FXYD2: variants seen among roughly 807,000 people sequenced by gnomAD.
The protein encoded by FXYD2 is sodium/potassium-transporting ATPase subunit gamma.
FXYD2 carries 8 observed loss-of-function variants against 11.8 expected under a neutral mutation model. That is an observed-to-expected ratio of 0.68 (90% CI 0.40 to 1.22). FXYD2 has a LOEUF of 1.22. Ranked by LOEUF, FXYD2 falls within the 50% of genes most tolerant of loss-of-function variation. The pLI is 0.01. For missense variants in FXYD2, 92 were observed against 91.8 expected, an observed-to-expected ratio of 1.00 and a Z score of -0.01; for synonymous variants, 42 against 33.3, an observed-to-expected ratio of 1.26 and a Z score of -0.90.
chr11:117,821,297 G>A, intron 3 of FXYD2: 1 of 946,982 alleles, frequency 1.1e-6, no homozygotes, highest in East Asian at 1.1e-4. Context: ...CTGGTCTCAA[G>A]AGATCCTCCT....
chr11:117,827,911 C>A, upstream of FXYD2: 1 of 922,408 alleles, frequency 1.1e-6, no homozygotes. Flanking sequence ...TTCTGGGGAG[C>A]TTGTGGGTGC....
upstream of FXYD2, chr11:117,824,884 G>T: frequency 1.5e-6 from 1 of 681,506 alleles, no homozygotes; most frequent in South Asian, 1.7e-5. The surrounding 1 kb of genome is among the most constrained non-coding windows in gnomAD (Gnocchi z 4.0). Context: ...TGCGTGGGGA[G>T]GCAGGGGCAG....
At chr11:117,827,115 G>A (rs1468958356), upstream of FXYD2, among the ~76,000 whole-genome samples, 1 of 134,742 alleles carries the variant, frequency 7.4e-6, no homozygotes, top group East Asian at 2.5e-4. Context: ...TAGATAGATA[G>A]ATAGATAGAT....
At position 117,822,475 on chromosome 11, in the gene FXYD2, CAT is replaced by C. The variant is rs769829514; in HGVS notation, c.68_69del (p.Tyr23Ter). On this transcript the variant is annotated frameshift_variant, in exon 3 of 6. Coordinates refer to ENST00000292079, the MANE Select transcript of FXYD2 (RefSeq NM_001680.5). LOFTEE classifies it high-confidence loss of function. The surrounding 1 kb of genome is among the most constrained non-coding windows in gnomAD (Gnocchi z 4.7). Reference sequence around the variant, plus strand: ...ATCAGGCCCCCATTGCGAACGGTCTCATAGTCTCCGGAAAGAGAGGGCAAGAG... The same window carrying C: ...ATCAGGCCCCCATTGCGAACGGTCTCAGTCTCCGGAAAGAGAGGGCAAGAG... ...KGDVDPFYYD[Y>X]ETVRNGGLIF... is the part of the protein sequence containing the mutation. 19 of 1,560,828 alleles carry C rather than the reference CAT, an allele frequency of 1.2e-5. No homozygotes were observed. Among genetic ancestry groups the C allele is most frequent in the Non-Finnish European group, 1.6e-5 (19 of 1,151,660 alleles).
Position 117,821,656 on chromosome 11 carries a change from G to C in FXYD2, c.139+750C>G, listed in dbSNP as rs1225515316. 4.1e-6 allele frequency: 4 copies of C among 977,540 alleles called. No individual in the cohort carries two copies. In the South Asian group the frequency reaches 1.4e-4, roughly 35 times the overall value. The allele number at this position is 977,540 out of a possible 1,614,324, so 60.6% of individuals were successfully genotyped here. A position where few individuals can be genotyped will look rare whatever the true frequency, so the allele number is the denominator to read the frequency against. ...CTGCCACGGGCAACATGTGAAAATG[G>C]GGAGACCTGCAGGACTGTGGCCCGA... On this transcript the variant is annotated intron_variant, in intron 3 of 5. Coordinates refer to ENST00000292079, the MANE Select transcript of FXYD2 (RefSeq NM_001680.5).
Position 117,822,357 on chromosome 11 carries a change from AG to A in FXYD2, c.139+48del. The A allele has an allele frequency of 6.4e-7, 1 of 1,550,678 alleles. No individual in the cohort carries two copies. Among genetic ancestry groups the A allele is most frequent in the Non-Finnish European group, 8.7e-7 (1 of 1,146,996 alleles). ...GCCAGCCTGCTCAGCGGCCTTGAGAAGAGAGGTGCCCTGGTCAGCACCCCTT... is the reference window on the plus strand; with the variant it reads ...GCCAGCCTGCTCAGCGGCCTTGAGAAAGAGGTGCCCTGGTCAGCACCCCTT... On this transcript the variant is annotated intron_variant, in intron 3 of 5. Transcript: ENST00000292079. This position sits in a 1 kb window ranked among gnomAD's most constrained non-coding sequence, Gnocchi z 4.7.
At chr11:117,820,763 G>A (rs1019585185) in intron 4 of FXYD2, 67 bp from the exon 5 acceptor site, 116 of 1,612,072 alleles carry the variant, frequency 7.2e-5, no homozygotes, top group Admixed American at 2.2e-4. Context: ...GATCTCTGAG[G>A]CTGGGGATCC....
chr11:117,821,502 C>G, intron 3 of FXYD2: 1 of 986,084 alleles, frequency 1.0e-6, no homozygotes, highest in East Asian at 1.1e-4. Flanking sequence ...CATCATGGTG[C>G]CCCCAGCACA....
chr11:117,823,526 C>A (rs997501467), intron 1 of FXYD2, among the ~76,000 whole-genome samples: 1 of 152,208 alleles, frequency 6.6e-6, no homozygotes. Flanking sequence ...GGAAGGAGCC[C>A]GTTAGAGGTA....
At chr11:117,820,809 C>G (rs1360303886) in intron 4 of FXYD2, 50 bp downstream of exon 4, 1 of 1,613,932 alleles carries the variant, frequency 6.2e-7, no homozygotes, top group East Asian at 2.2e-5. Context: ...CAGCCCGCCC[C>G]TCCTTCTCCA....
At chr11:117,820,582 C>A in intron 5 of FXYD2, 84 bp downstream of exon 5, 1 of 1,559,112 alleles carries the variant, frequency 6.4e-7, no homozygotes, top group East Asian at 2.2e-5. Context: ...TCTTATTTAC[C>A]GAGTCCAGGA....
rs1565301554 is a variant in FXYD2 at position 117,822,942 on chromosome 11, G to C, written c.26-225C>G. ...GACCAAATACCGAGTGTCCGAGGGG[G>C]ATCCGTGCTGTCTGGGGGGCCTCTG... On this transcript the variant is annotated intron_variant, in intron 1 of 5. Transcript: ENST00000292079. This position sits in a 1 kb window ranked among gnomAD's most constrained non-coding sequence, Gnocchi z 4.7. 6.6e-6 allele frequency among the ~76,000 whole-genome samples: 1 copy of C among 152,130 alleles called. No individual in the cohort carries two copies. Among genetic ancestry groups the C allele is most frequent in the Non-Finnish European group, 1.5e-5 (1 of 68,014 alleles).
In FXYD2 at chr11:117,820,306, G is replaced by T; in HGVS notation, c.*73C>A. On this transcript the variant is annotated 3_prime_UTR_variant, in exon 6 of 6. Coordinates refer to ENST00000292079, the MANE Select transcript of FXYD2 (RefSeq NM_001680.5). ...GTCTAAAGCCCAGGGAAGAAGGGGA[G>T]GCGCCAGAGGCAGGGCCATGCTTGG... is the stretch of plus-strand genomic sequence containing the variant. 1 of 333,886 alleles carries T rather than the reference G, an allele frequency of 3.0e-6. No individual in the cohort carries two copies. The allele number at this position is 333,886 out of a possible 1,614,324, so 20.7% of individuals were successfully genotyped here. A position where few individuals can be genotyped will look rare whatever the true frequency, so the allele number is the denominator to read the frequency against.
Position 117,822,437 on chromosome 11 carries a change from C to A in FXYD2, c.108G>T (p.Leu36=). The change falls in exon 3 of 6, where the codon CTG becomes CTT. Residue 36 remains leucine (L), a synonymous_variant. Transcript: ENST00000292079. This position sits in a 1 kb window ranked among gnomAD's most constrained non-coding sequence, Gnocchi z 4.7. The stretch of plus-strand genomic sequence containing the variant: ...GGATGAGGAGCCCCACGATGAAGGC[C>A]AGTCCAGCGAAGATCAGGCCCCCAT... ...VRNGGLIFAG[L]AFIVGLLILL... The A allele has an allele frequency of 6.4e-7, 1 of 1,563,044 alleles. No individual in the cohort carries two copies. The highest frequency in any genetic ancestry group is 8.7e-7 in the Non-Finnish European group (1 of 1,152,794).
rs376646131 is a variant in FXYD2 at position 117,820,782 on chromosome 11, G to A, written c.176+77C>T. On this transcript the variant is annotated intron_variant, in intron 4 of 5. Coordinates refer to ENST00000292079, the MANE Select transcript of FXYD2 (RefSeq NM_001680.5). ...TCTGAGGCTGGGGATCCTCCACTGTGTCAGAGACAAAATCCTCAGCCCGCC... is the reference window on the plus strand; with the variant it reads ...TCTGAGGCTGGGGATCCTCCACTGTATCAGAGACAAAATCCTCAGCCCGCC... 5.8e-5 allele frequency: 93 copies of A among 1,613,388 alleles called. No homozygotes were observed. In the African/African-American group the frequency reaches 1.1e-3, roughly 19 times the overall value.
At chr11:117,827,085 GAGATAGATAGATAGAT>G (rs61369941), upstream of FXYD2, among the ~76,000 whole-genome samples, 1,123 of 138,602 alleles carry the variant, frequency 8.1e-3, 5 homozygotes, top group South Asian at 0.034. Context: ...GATAAATAGA[GAGATAGATAGATAGAT>G]AGATAGATAG....
Position 117,822,077 on chromosome 11 carries a change from A to G in FXYD2, c.139+329T>C. On this transcript the variant is annotated intron_variant, in intron 3 of 5. Transcript: ENST00000292079. This position sits in a 1 kb window ranked among gnomAD's most constrained non-coding sequence, Gnocchi z 4.7. ...GAGGCAGGTGGGATCATCCCTATTT[A>G]ACAAATGAGTTTGGGACCATGGTTA... 7.8e-7 allele frequency: 1 copy of G among 1,283,420 alleles called. No individual in the cohort carries two copies. Among genetic ancestry groups the G allele is most frequent in the Non-Finnish European group, 1.0e-6 (1 of 1,003,414 alleles). The allele number at this position is 1,283,420 out of a possible 1,614,324, so 79.5% of individuals were successfully genotyped here. A position where few individuals can be genotyped will look rare whatever the true frequency, so the allele number is the denominator to read the frequency against.
At chr11:117,821,448 A>C in intron 3 of FXYD2, 1 of 986,818 alleles carries the variant, frequency 1.0e-6, no homozygotes, top group Non-Finnish European at 1.2e-6. Context: ...GAGCAGATCC[A>C]CGGTGGTCTG....
rs746837735 is a variant in FXYD2, at chr11:117,820,669, CTGT to C, written c.201_*2del. 1 of 1,613,992 alleles carries C rather than the reference CTGT, an allele frequency of 6.2e-7. No homozygotes were observed. The highest frequency in any genetic ancestry group is 1.3e-5 in the African/African-American group (1 of 75,020). ...TCCCCAGGCCCTCCTAGCATACCTGCTGTTACGGCTCATCTTCATTGATTTGCC... is the reference window on the plus strand; with the variant it reads ...TCCCCAGGCCCTCCTAGCATACCTGCTACGGCTCATCTTCATTGATTTGCC... On this transcript the variant is annotated stop_retained_variant and 3_prime_UTR_variant, in exon 5 of 6. Coordinates refer to ENST00000292079, the MANE Select transcript of FXYD2 (RefSeq NM_001680.5).
Sources: allele counts gnomAD v4.1 joint callset (sites outside exome capture counted in the v4.1 genomes callset), GRCh38; gene constraint gnomAD v4.1.1; non-coding constraint Gnocchi (gnomAD v3.1); transcripts MANE v1.5; gene names NCBI Gene and HGNC (gene_info 2026-07-23, HGNC 2026-07-21).